The following GPR137B variants were observed in gnomAD, a reference collection of about 807,000 sequenced individuals.
GPR137B encodes the protein integral membrane protein GPR137B.
A neutral mutation model predicts 42.5 loss-of-function variants in GPR137B; 42 were observed. The ratio of observed to expected loss-of-function variants is 0.99; its 90% CI spans 0.77 to 1.28. The LOEUF is 1.28. Ranked by LOEUF, GPR137B falls within the 50% of genes most tolerant of loss-of-function variation. The pLI, the probability that GPR137B is intolerant of heterozygous loss-of-function variation, is 0.00. For synonymous variants in GPR137B, 218 were observed against 209.7 expected, an observed-to-expected ratio of 1.04 and a Z score of -0.34; for missense variants, 487 against 493.9, an observed-to-expected ratio of 0.99 and a Z score of 0.13.
At chr1:236,149,798 A>C (rs1210034732) in intron 1 of GPR137B, among the ~76,000 whole-genome samples, 1 of 152,248 alleles carries the variant, frequency 6.6e-6, no homozygotes, top group African/African-American at 2.4e-5. Flanking sequence ...CTGCGGAGCT[A>C]GCTCAGTGGG....
chr1:236,208,358 A>C lies in GPR137B; in HGVS notation c.*200A>C, dbSNP rs943551634. On this transcript the variant is annotated 3_prime_UTR_variant, in exon 7 of 7. Transcript: ENST00000366592. ...TTAGTACTAAAGAGGGAGCCTTGCT[A>C]TTTCAGTGGGTATAATTTAAACTTT... 4.0e-6 allele frequency: 5 copies of C among 1,242,722 alleles called. No individual in the cohort carries two copies. The highest frequency in any genetic ancestry group is 3.0e-5 in the African/African-American group (2 of 66,114). The allele number at this position is 1,242,722 out of a possible 1,614,324, so 77.0% of individuals were successfully genotyped here.
intron 2 of GPR137B, among the ~76,000 whole-genome samples, chr1:236,173,290 CAAAA>C (rs66639028): frequency 1.5e-4 from 13 of 86,438 alleles, no homozygotes; most frequent in Non-Finnish European, 2.6e-4. Flanking sequence ...GACCCTGTCT[CAAAA>C]AAAAAAAAAA....
intron 1 of GPR137B, among the ~76,000 whole-genome samples, chr1:236,146,126 G>A (rs1661674980): frequency 1.3e-5 from 2 of 152,250 alleles, no homozygotes; most frequent in South Asian, 2.1e-4. Flanking sequence ...CCAAAGTGCC[G>A]TGATTACAGG....
At chr1:236,186,078 C>T (rs1286986993) in intron 5 of GPR137B, among the ~76,000 whole-genome samples, 1 of 149,702 alleles carries the variant, frequency 6.7e-6, no homozygotes, top group Non-Finnish European at 1.5e-5. Flanking sequence ...TTTCAAGATT[C>T]GTCTACGTTG....
chr1:236,170,858 C>T (rs1479356729), intron 2 of GPR137B, among the ~76,000 whole-genome samples: 2 of 151,764 alleles, frequency 1.3e-5, no homozygotes, highest in African/African-American at 2.4e-5. Context: ...TGCCTGTAAT[C>T]CCAGCTACTC....
At chr1:236,159,059 C>G (rs960231307) in intron 1 of GPR137B, among the ~76,000 whole-genome samples, 2 of 152,104 alleles carry the variant, frequency 1.3e-5, no homozygotes, top group Non-Finnish European at 2.9e-5. Context: ...TGATTGTAAC[C>G]CAGCTACTCA....
intron 5 of GPR137B, among the ~76,000 whole-genome samples, chr1:236,197,169 C>G (rs1663362679): frequency 6.6e-6 from 1 of 152,086 alleles, no homozygotes; most frequent in South Asian, 2.1e-4. Context: ...GTTTGTTGGC[C>G]ATATGGATAT....
At chr1:236,173,366 CGAAG>C (rs1324787385) in intron 2 of GPR137B, among the ~76,000 whole-genome samples, 1 of 114,400 alleles carries the variant, frequency 8.7e-6, no homozygotes, top group Admixed American at 1.0e-4. Flanking sequence ...AAGGAAGAAA[CGAAG>C]GAAGGGAAAG....
At chr1:236,193,370 A>T (rs1663249270) in intron 5 of GPR137B, among the ~76,000 whole-genome samples, 1 of 151,972 alleles carries the variant, frequency 6.6e-6, no homozygotes, top group Non-Finnish European at 1.5e-5. Context: ...ATATGTTTTC[A>T]TTTCTCTCGG....
At chr1:236,198,517 C>A (rs573798132) in intron 5 of GPR137B, among the ~76,000 whole-genome samples, 32 of 152,094 alleles carry the variant, frequency 2.1e-4, no homozygotes, top group Non-Finnish European at 3.5e-4. Flanking sequence ...ATGATGGTAT[C>A]TTGATGGGAA....
In GPR137B at chr1:236,171,601, G is replaced by T. The variant is rs1662539375; in HGVS notation, c.464+2846G>T. 6.6e-6 allele frequency among the ~76,000 whole-genome samples: 1 copy of T among 152,224 alleles called. No homozygotes were observed. The highest frequency in any genetic ancestry group is 1.5e-5 in the Non-Finnish European group (1 of 68,038). ...GGGGTCTTCGGGTGAGAAGATATGT[G>T]CGTGGGGCAGTCCTTGCTTGATCCT... is the stretch of plus-strand genomic sequence containing the variant. On this transcript the variant is annotated intron_variant, in intron 2 of 6. Transcript: ENST00000366592. The surrounding 1 kb of genome is among the most constrained non-coding windows in gnomAD (Gnocchi z 4.4).
rs751246182 is a variant in GPR137B, at chr1:236,208,054, G to A, written c.1096G>A (p.Ala366Thr). 5.6e-6 allele frequency: 9 copies of A among 1,608,848 alleles called. No homozygotes were observed. Among genetic ancestry groups the A allele is most frequent in the Non-Finnish European group, 7.7e-6 (9 of 1,175,914 alleles). ...AAATATTTTTTTCTTTTTAAGTTTT[G>A]CTCCAGATTACTATGATTGGGGACA... ...IAPQGLQGGF[A>T]PDYYDWGQQT... The change falls in exon 7 of 7, where the codon GCT (alanine) becomes ACT (threonine). Residue 366 changes from alanine (A) to threonine (T), a missense_variant. Physicochemically the swap from Ala to Thr is moderately conservative, Grantham distance 58. Coordinates refer to ENST00000366592, the MANE Select transcript of GPR137B (RefSeq NM_003272.4).
chr1:236,188,356 A>G (rs545550452), intron 5 of GPR137B, among the ~76,000 whole-genome samples: 1 of 152,138 alleles, frequency 6.6e-6, no homozygotes, highest in East Asian at 1.9e-4. Flanking sequence ...TTCCAATACT[A>G]TGTTGAATAG....
rs1662772442 is a variant in GPR137B at position 236,178,785 on chromosome 1, G to GTTTTTGTTTTTTTTTT, written c.687+154_687+155insGTTTTTTTTTTTTTTT. 2 of 48,310 alleles carry GTTTTTGTTTTTTTTTT rather than the reference G, an allele frequency of 4.1e-5. 1 individual carries two copies. Among genetic ancestry groups the GTTTTTGTTTTTTTTTT allele is most frequent in the Non-Finnish European group, 9.0e-5 (2 of 22,114 alleles). 3.0% of individuals were successfully genotyped at this position (48,310 alleles called of 1,614,324 possible). ...GTCTCCCACACAGGGGCTACTCGAG[G>GTTTTTGTTTTTTTTTT]TTTTTTTTTTTTTTTTTTTTTTTTT... On this transcript the variant is annotated intron_variant, in intron 3 of 6. Coordinates refer to ENST00000366592, the MANE Select transcript of GPR137B (RefSeq NM_003272.4).
chr1:236,162,523 G>A (rs571746872), intron 1 of GPR137B, among the ~76,000 whole-genome samples: 2 of 152,340 alleles, frequency 1.3e-5, no homozygotes, highest in Non-Finnish European at 2.9e-5. Context: ...AGACCTTCAT[G>A]GCAGCCCTTC....
chr1:236,164,349 A>G (rs1325225983), intron 1 of GPR137B, among the ~76,000 whole-genome samples: 14 of 152,152 alleles, frequency 9.2e-5, no homozygotes, highest in Admixed American at 6.5e-4. Flanking sequence ...TCATTCTTGT[A>G]CATCTGGGGA....
At chr1:236,199,525 C>A (rs1440525607) in intron 5 of GPR137B, among the ~76,000 whole-genome samples, 2 of 152,032 alleles carry the variant, frequency 1.3e-5, no homozygotes, top group Non-Finnish European at 2.9e-5. Flanking sequence ...TGGTCCTGGA[C>A]TTTTTTTGTT....
At chr1:236,193,770 T>G (rs770080979) in intron 5 of GPR137B, among the ~76,000 whole-genome samples, 2 of 152,248 alleles carry the variant, frequency 1.3e-5, no homozygotes, top group Non-Finnish European at 2.9e-5. Context: ...AATATACTCT[T>G]AAGTCCCTTG....
chr1:236,174,762 G>A (rs374297450), intron 2 of GPR137B, among the ~76,000 whole-genome samples: 2 of 152,050 alleles, frequency 1.3e-5, no homozygotes, highest in East Asian at 1.9e-4. Context: ...TGGGAGAATC[G>A]CTCGAGCCCA....
Sources: gnomAD v4.1 joint callset for allele counts (sites outside exome capture counted in the v4.1 genomes callset) on GRCh38, gnomAD v4.1.1 for gene constraint, Gnocchi (gnomAD v3.1) non-coding constraint, MANE v1.5 for transcripts, NCBI Gene and HGNC (gene_info 2026-07-23, HGNC 2026-07-21) for gene names.